Variants in TXNRD3 observed in about 807,000 individuals in gnomAD.
TXNRD3 encodes TXNRD3 neighbor gene protein.
TXNRD3 carries 68 observed loss-of-function variants against 78.2 expected under a neutral mutation model. That is an observed-to-expected ratio of 0.87 (90% CI 0.72 to 1.06). TXNRD3 has a LOEUF of 1.06. TXNRD3 is among the 50% of genes least tolerant of loss of function. The probability of loss-of-function intolerance (pLI) is 0.00; values close to 1 mark genes in which losing one functional copy is unlikely to be tolerated. For missense variants in TXNRD3, 751 were observed against 809.5 expected (o/e 0.93, Z 0.88); for synonymous variants, 296 against 300.1 (o/e 0.99, Z 0.14).
intron 7 of TXNRD3, among the ~76,000 whole-genome samples, chr3:126,632,584 C>T (rs947039767): frequency 1.5e-4 from 23 of 148,466 alleles, no homozygotes; most frequent in African/African-American, 5.7e-4. Context: ...TGCTTGAACC[C>T]GGGAGCTGGA....
chr3:126,654,688 G>C (rs1428352411), intron 1 of TXNRD3, 60 bp downstream of exon 1: 5 of 1,159,438 alleles, frequency 4.3e-6, no homozygotes, highest in Non-Finnish European at 5.4e-6. Context: ...CCCTGCCCCG[G>C]GTGGCGTCCG....
chr3:126,621,786 C>A lies in TXNRD3; in HGVS notation c.1480G>T (p.Gly494Cys). Residue 494 changes from glycine to cysteine, a missense_variant, in exon 12 of 16, where the codon GGC becomes TGC. Gly to Cys is a radical substitution (Grantham distance 159). Transcript: ENST00000524230. ...AAAAGTCTCTGAGCTAGCAGCTTGC[C>A]TGACTGTATGGCGACAGGAGTGAGC... 3 of 1,531,628 alleles carry A rather than the reference C, an allele frequency of 2.0e-6. No individual in the cohort carries two copies. Among genetic ancestry groups the A allele is most frequent in the Non-Finnish European group, 2.6e-6 (3 of 1,145,700 alleles). The allele number at this position is 1,531,628 out of a possible 1,614,324, so 94.9% of individuals were successfully genotyped here. A position where few individuals can be genotyped will look rare whatever the true frequency, so the allele number is the denominator to read the frequency against.
At chr3:126,652,800 G>A (rs1933420787) in intron 1 of TXNRD3, among the ~76,000 whole-genome samples, 1 of 152,214 alleles carries the variant, frequency 6.6e-6, no homozygotes, top group African/African-American at 2.4e-5. Context: ...GAGTAAGTGG[G>A]TTGGAAAAGG....
rs527554174 is a variant in TXNRD3 at position 126,643,980 on chromosome 3, C to A, written c.592+1G>T. The A allele has an allele frequency of 6.5e-6, 10 of 1,535,182 alleles. No individual in the cohort carries two copies. The highest frequency in any genetic ancestry group is 7.8e-6 in the Non-Finnish European group (9 of 1,146,678). On this transcript the variant is annotated splice_donor_variant, in intron 5 of 15. Transcript: ENST00000524230. LOFTEE classifies it high-confidence loss of function. ...AGGAACAACAGAGAAAAACAACTTA[C>A]CCCAGGATGTGCCCTGAGGTGACGG...
intron 1 of TXNRD3, among the ~76,000 whole-genome samples, chr3:126,654,219 C>T (rs952965058): frequency 2.6e-5 from 4 of 152,142 alleles, no homozygotes; most frequent in Admixed American, 2.6e-4. Flanking sequence ...ATTTCATGAA[C>T]TCAACCCAAT....
rs543183559 is a variant in TXNRD3, at chr3:126,620,168, G to A, written c.1524+1574C>T. Among the ~76,000 whole-genome samples the A allele has an allele frequency of 3.9e-5, 6 of 152,066 alleles. No individual in the cohort carries two copies. In the South Asian group the frequency reaches 1.0e-3, roughly 26 times the overall value. On this transcript the variant is annotated intron_variant, in intron 12 of 15. Transcript: ENST00000524230. ...AAATTATCTGGGCGTGGTGGCAGGC[G>A]CCTGTAGTCCCAGCTACCTGGGAGG...
Position 126,640,315 on chromosome 3 carries a change from G to T in TXNRD3, c.712+1717C>A, listed in dbSNP as rs1215778507. On this transcript the variant is annotated intron_variant, in intron 6 of 15. Transcript: ENST00000524230. ...GTAGAGACGGGGTTTCACCGTGTTA[G>T]CCAGGATGGTCTCGATCTCCTGACC... 2.0e-3 allele frequency among the ~76,000 whole-genome samples: 26 copies of T among 13,200 alleles called. 10 individuals carry two copies. Among genetic ancestry groups the T allele is most frequent in the Admixed American group, 5.3e-3 (4 of 760 alleles). The allele number at this position is 13,200 out of a possible 152,430, so 8.7% of individuals were successfully genotyped here.
Position 126,608,510 on chromosome 3 carries a change from T to C in TXNRD3, c.1852A>G (p.Thr618Ala), listed in dbSNP as rs531084527. ...CTCCTGTTTCCTACCTCCCCACATGTGGGGTGAATTCCAATGGTGTCATCA... is the reference window on the plus strand; with the variant it reads ...CTCCTGTTTCCTACCTCCCCACATGCGGGGTGAATTCCAATGGTGTCATCA... Residue 618 changes from threonine to alanine, a missense_variant, in exon 15 of 16, where the codon ACA becomes GCA. Transcript: ENST00000524230. 6.5e-7 allele frequency: 1 copy of C among 1,534,356 alleles called. No homozygotes were observed. Among genetic ancestry groups the C allele is most frequent in the African/African-American group, 1.4e-5 (1 of 73,106 alleles).
intron 1 of TXNRD3, among the ~76,000 whole-genome samples, chr3:126,649,986 A>T (rs1232610527): frequency 6.6e-6 from 1 of 152,240 alleles, no homozygotes. Context: ...AAAAATAGTT[A>T]AAAATGGTAA....
chr3:126,642,171 T>G lies in TXNRD3; in HGVS notation c.593-20A>C, dbSNP rs1933106633. ...CAAGACCTGAGGAAGAAAATAAGTT[T>G]TAATGCTTCTTTGTGTGTCTAGTTT... On this transcript the variant is annotated intron_variant, in intron 5 of 15. Transcript: ENST00000524230. 6.6e-7 allele frequency: 1 copy of G among 1,525,606 alleles called. No homozygotes were observed. Among genetic ancestry groups the G allele is most frequent in the Non-Finnish European group, 8.7e-7 (1 of 1,143,476 alleles). 94.5% of individuals were successfully genotyped at this position (1,525,606 alleles called of 1,614,324 possible).
chr3:126,614,725 ATAAAT>A (rs1404902826), intron 13 of TXNRD3, among the ~76,000 whole-genome samples: 1 of 152,220 alleles, frequency 6.6e-6, no homozygotes, highest in Non-Finnish European at 1.5e-5. Flanking sequence ...ATTCTCAATA[ATAAAT>A]TAAATCATAC....
chr3:126,646,952 G>C (rs1407063537), intron 2 of TXNRD3, among the ~76,000 whole-genome samples: 1 of 152,236 alleles, frequency 6.6e-6, no homozygotes, highest in Non-Finnish European at 1.5e-5. Context: ...TGTTCTGCTA[G>C]AGAGCTGGCA....
intron 2 of TXNRD3, 77 bp downstream of exon 2, chr3:126,647,159 G>A (rs1933258181): frequency 1.7e-6 from 2 of 1,183,112 alleles, no homozygotes; most frequent in South Asian, 3.0e-5. Flanking sequence ...AATCTGAATT[G>A]AACAAAGTAA....
chr3:126,644,480 G>A, intron 3 of TXNRD3, 79 bp from the exon 4 acceptor site: 1 of 903,440 alleles, frequency 1.1e-6, no homozygotes, highest in Non-Finnish European at 1.6e-6. Context: ...ATGTTCAACT[G>A]GTATGGATTT....
In TXNRD3 at chr3:126,615,342, A is replaced by G. The variant is rs1395523320; in HGVS notation, c.1632+13T>C. On this transcript the variant is annotated intron_variant, in intron 13 of 15. Coordinates refer to ENST00000524230, the MANE Select transcript of TXNRD3 (RefSeq NM_052883.3). ...AGAGAATTTTTTAAGGAAGTAATAA[A>G]ACACAATCTTACTTCTAGATTCTCT... 7.6e-7 allele frequency: 1 copy of G among 1,315,696 alleles called. No homozygotes were observed. Among genetic ancestry groups the G allele is most frequent in the East Asian group, 2.6e-5 (1 of 38,148 alleles). 81.5% of individuals were successfully genotyped at this position (1,315,696 alleles called of 1,614,324 possible).
intron 3 of TXNRD3, 63 bp from the exon 4 acceptor site, chr3:126,644,464 C>T (rs766449724): frequency 8.1e-6 from 9 of 1,114,162 alleles, no homozygotes; most frequent in African/African-American, 3.1e-5. Context: ...TATTTATGTA[C>T]ACCCTATGTT....
At chr3:126,649,543 C>T (rs1479019794) in intron 1 of TXNRD3, among the ~76,000 whole-genome samples, 1 of 152,122 alleles carries the variant, frequency 6.6e-6, no homozygotes, top group Non-Finnish European at 1.5e-5. Context: ...ATTTGTACAC[C>T]CATGTTCATA....
intron 13 of TXNRD3, among the ~76,000 whole-genome samples, chr3:126,613,204 G>T (rs1412832408): frequency 1.3e-5 from 2 of 152,036 alleles, no homozygotes; most frequent in African/African-American, 4.8e-5. Flanking sequence ...AATCATTTGG[G>T]TATTTACCTC....
In TXNRD3 at chr3:126,607,862, A is replaced by C; in HGVS notation, c.*43T>G. On this transcript the variant is annotated 3_prime_UTR_variant, in exon 16 of 16. Transcript: ENST00000524230. ...TTATCCGAGAGCATTCTTATCTTTG[A>C]GAGAAATGAGAATATGACAAGGAGA... 1 of 1,438,240 alleles carries C rather than the reference A, an allele frequency of 7.0e-7. No individual in the cohort carries two copies. The highest frequency in any genetic ancestry group is 9.3e-7 in the Non-Finnish European group (1 of 1,070,924). 89.1% of individuals were successfully genotyped at this position (1,438,240 alleles called of 1,614,324 possible).
Sources: gnomAD v4.1 joint callset for allele counts (sites outside exome capture counted in the v4.1 genomes callset) on GRCh38, gnomAD v4.1.1 for gene constraint, MANE v1.5 for transcripts, NCBI Gene and HGNC (gene_info 2026-07-23, HGNC 2026-07-21) for gene names.